Variants in C1orf105 observed in about 807,000 individuals in gnomAD.
The protein encoded by C1orf105 is chromosome 1 open reading frame 105.
C1orf105 carries 17 observed loss-of-function variants against 20.8 expected under a neutral mutation model. The observed-to-expected ratio is 0.82, with a 90% CI of 0.56 to 1.23. The LOEUF (loss-of-function observed/expected upper bound fraction) is 1.23, where lower values mean the gene tolerates loss of function less well. Among genes scored for constraint, C1orf105 ranks in the 50% most tolerant of loss-of-function variants. The probability of loss-of-function intolerance (pLI) is 0.00; values close to 1 mark genes in which losing one functional copy is unlikely to be tolerated. For missense variants in C1orf105, 219 were observed against 213.5 expected (o/e 1.03, Z -0.16); for synonymous variants, 72 against 72.1 (o/e 1.00, Z 0.01).
Position 172,453,104 on chromosome 1 carries a change from G to A in C1orf105, c.199-3311G>A, listed in dbSNP as rs41263740. The A allele has an allele frequency of 2.8e-3, 4,363 of 1,550,912 alleles. 7 individuals are homozygous for A. Among genetic ancestry groups the A allele is most frequent in the Admixed American group, 4.3e-3 (217 of 50,994 alleles). On this transcript the variant is annotated intron_variant, in intron 3 of 6. Coordinates refer to ENST00000367727, the MANE Select transcript of C1orf105 (RefSeq NM_139240.4). ...GTAGCCTGTCACAGCTGCCTTCCAC[G>A]ACTCTTCAATGCCCTCATCCCTTCT...
chr1:172,441,976 A>G, intron 1 of C1orf105: 1 of 1,614,246 alleles, frequency 6.2e-7, no homozygotes, highest in Non-Finnish European at 8.5e-7. Context: ...TTTCTTCTGC[A>G]ACATGGGCCA....
intron 4 of C1orf105, among the ~76,000 whole-genome samples, chr1:172,457,207 C>T (rs1287906759): frequency 6.6e-6 from 1 of 152,086 alleles, no homozygotes; most frequent in Non-Finnish European, 1.5e-5. Flanking sequence ...TTGTTAGCGT[C>T]AGGGTAAGGA....
intron 1 of C1orf105, among the ~76,000 whole-genome samples, chr1:172,434,331 A>T (rs1001963050): frequency 2.2e-4 from 33 of 152,204 alleles, no homozygotes; most frequent in African/African-American, 8.0e-4. Context: ...CACTTATTCT[A>T]ATATTGACCA....
At chr1:172,442,261 T>C in intron 1 of C1orf105, 1 of 1,613,988 alleles carries the variant, frequency 6.2e-7, no homozygotes, top group South Asian at 1.1e-5. Context: ...TAGGGCACTC[T>C]TCAGGTCAGC....
At chr1:172,432,162 A>C (rs2071893494) in intron 1 of C1orf105, among the ~76,000 whole-genome samples, 1 of 152,252 alleles carries the variant, frequency 6.6e-6, no homozygotes, top group Non-Finnish European at 1.5e-5. Context: ...TGTAGGCAGG[A>C]CATAGCTGAA....
chr1:172,456,566 G>C, intron 4 of C1orf105, 77 bp downstream of exon 4: 1 of 1,426,060 alleles, frequency 7.0e-7, no homozygotes, highest in Admixed American at 1.7e-5. Context: ...AGCCCTGTGG[G>C]GAGAGATAGT....
chr1:172,468,415 C>A, intron 6 of C1orf105, 34 bp from the exon 7 acceptor site: 3 of 1,571,496 alleles, frequency 1.9e-6, no homozygotes, highest in Non-Finnish European at 2.6e-6. Flanking sequence ...CTAAGTAGTC[C>A]TTATCCTTCT....
At chr1:172,423,785 A>C (rs897886807) in intron 1 of C1orf105, among the ~76,000 whole-genome samples, 1 of 152,082 alleles carries the variant, frequency 6.6e-6, no homozygotes, top group African/African-American at 2.4e-5. Context: ...ATTAAAAAGA[A>C]TCAAGCAGAA....
In C1orf105 at chr1:172,464,595, T is replaced by C. The variant is rs144449316; in HGVS notation, c.342-704T>C. On this transcript the variant is annotated intron_variant, in intron 5 of 6. Coordinates refer to ENST00000367727, the MANE Select transcript of C1orf105 (RefSeq NM_139240.4). ...AATGGGAAGGTTCTAACCAAAATGT[T>C]TTCTCAGCTTTACTCTTTAAAGGTA... is the stretch of plus-strand genomic sequence containing the variant. Among the ~76,000 whole-genome samples the C allele has an allele frequency of 1.9e-3, 282 of 152,238 alleles. 1 individual carries two copies. The highest frequency in any genetic ancestry group is 6.7e-3 in the African/African-American group (278 of 41,546).
intron 1 of C1orf105, among the ~76,000 whole-genome samples, chr1:172,437,184 T>G (rs2072065631): frequency 6.6e-6 from 1 of 152,192 alleles, no homozygotes; most frequent in African/African-American, 2.4e-5. Context: ...TGGCGATTCC[T>G]CAAGGATTTA....
At chr1:172,457,355 C>T (rs147070137) in intron 4 of C1orf105, among the ~76,000 whole-genome samples, 3 of 152,198 alleles carry the variant, frequency 2.0e-5, no homozygotes, top group Non-Finnish European at 4.4e-5. Flanking sequence ...GTAGGCTAAA[C>T]GTGCTTTAAA....
At chr1:172,467,481 T>C (rs1324718124) in intron 6 of C1orf105, among the ~76,000 whole-genome samples, 1 of 152,238 alleles carries the variant, frequency 6.6e-6, no homozygotes, top group Non-Finnish European at 1.5e-5. Flanking sequence ...CCACGGACTC[T>C]TAATCTCAAT....
chr1:172,451,959 G>C (rs921122223), intron 3 of C1orf105, among the ~76,000 whole-genome samples: 1 of 128,050 alleles, frequency 7.8e-6, no homozygotes, highest in Non-Finnish European at 1.6e-5. Flanking sequence ...TGCAACCTCC[G>C]CCTCCCAGGT....
At chr1:172,433,345 G>A (rs374737238) in intron 1 of C1orf105, among the ~76,000 whole-genome samples, 2 of 152,294 alleles carry the variant, frequency 1.3e-5, no homozygotes, top group African/African-American at 4.8e-5. Flanking sequence ...GTTAAGGGCA[G>A]CCAGAAAGAA....
chr1:172,420,835 GT>G lies in C1orf105; in HGVS notation c.-48del, dbSNP rs1159282882. ...CACTGGCCACAGTGAGGGGAGCTAG[GT>G]TTCCCCAGTCTCCAGCTAGAAAAAC... On this transcript the variant is annotated 5_prime_UTR_variant, in exon 1 of 7. Transcript: ENST00000367727. 6.3e-7 allele frequency: 1 copy of G among 1,596,674 alleles called. No homozygotes were observed. Among genetic ancestry groups the G allele is most frequent in the Non-Finnish European group, 8.6e-7 (1 of 1,164,938 alleles).
At chr1:172,456,730 T>C (rs1450286617) in intron 4 of C1orf105, among the ~76,000 whole-genome samples, 3 of 152,174 alleles carry the variant, frequency 2.0e-5, no homozygotes, top group Non-Finnish European at 4.4e-5. Flanking sequence ...AGAGATGCAA[T>C]GAGACACTTC....
At chr1:172,442,407 C>A (rs1343933893) in intron 1 of C1orf105, 3 of 1,614,044 alleles carry the variant, frequency 1.9e-6, no homozygotes. Flanking sequence ...CCATATACCA[C>A]CAGATAACCA....
chr1:172,451,636 T>C (rs1648646023), intron 3 of C1orf105, among the ~76,000 whole-genome samples: 2 of 152,318 alleles, frequency 1.3e-5, no homozygotes, highest in South Asian at 4.1e-4. Context: ...AAAATAGTGA[T>C]GGTAATAAAA....
Position 172,465,352 on chromosome 1 carries a change from A to T in C1orf105, c.395A>T (p.Asp132Val). ...ACTACACCTGAGCCTTTCCATGATGACATCCCAACAGGTTTGCTTTCTTTT... is the reference window on the plus strand; with the variant it reads ...ACTACACCTGAGCCTTTCCATGATGTCATCCCAACAGGTTTGCTTTCTTTT... ...FQTTPEPFHD[D>V]IPTESIHYRL... The change falls in exon 6 of 7, where the codon GAC (aspartate) becomes GTC (valine). Residue 132 changes from aspartate to valine, a missense_variant. Transcript: ENST00000367727. 2.5e-6 allele frequency: 4 copies of T among 1,610,452 alleles called. No homozygotes were observed. Among genetic ancestry groups the T allele is most frequent in the South Asian group, 2.2e-5 (2 of 91,010 alleles).
Sources: gnomAD v4.1 joint callset for allele counts (sites outside exome capture counted in the v4.1 genomes callset) on GRCh38, gnomAD v4.1.1 for gene constraint, MANE v1.5 for transcripts, NCBI Gene and HGNC (gene_info 2026-07-23, HGNC 2026-07-21) for gene names.